CFH: variants seen among roughly 807,000 people sequenced by gnomAD.
CFH encodes the protein complement factor H, also known as H factor 1 (complement).
CFH carries 53 observed loss-of-function variants against 147.3 expected under a neutral mutation model. That is an observed-to-expected ratio of 0.36 (90% confidence interval 0.29 to 0.45). The LOEUF is 0.45. CFH is among the 20% of genes least tolerant of loss of function. CFH has a pLI of 1.00. For synonymous variants in CFH, 536 were observed against 489.4 expected (o/e 1.10, Z -1.26); for missense variants, 1,380 against 1,498.0 (o/e 0.92, Z 1.30).
chr1:196,737,345 G>A (rs1191064594), intron 16 of CFH, 130 bp from the exon 17 acceptor site: 2 of 711,698 alleles, frequency 2.8e-6, no homozygotes, highest in Non-Finnish European at 4.7e-6. Context: ...TTTCTAATAT[G>A]TTTTTGTTTT....
intron 9 of CFH, among the ~76,000 whole-genome samples, chr1:196,698,847 T>C (rs1428981873): frequency 6.6e-6 from 1 of 152,076 alleles, no homozygotes; most frequent in Non-Finnish European, 1.5e-5. Flanking sequence ...GCAAAGCAAA[T>C]CCAGCAGCAT....
intron 3 of CFH, 55 bp downstream of exon 3, chr1:196,674,017 A>G: frequency 8.6e-7 from 1 of 1,159,342 alleles, no homozygotes; most frequent in South Asian, 1.3e-5. Context: ...TAGGAACTCT[A>G]CTACTTTATA....
rs553787409 is a variant in CFH, at chr1:196,666,660, A to T, written c.59-6318A>T. On this transcript the variant is annotated intron_variant, in intron 1 of 21. Coordinates refer to ENST00000367429, the MANE Select transcript of CFH (RefSeq NM_000186.4). ...AAAAATACAAGAAAAAAAAACCCAAAAAATAGCCGGGCATGGTGGCGGGCA... is the reference window on the plus strand; with the variant it reads ...AAAAATACAAGAAAAAAAAACCCAATAAATAGCCGGGCATGGTGGCGGGCA... Among the ~76,000 whole-genome samples the T allele has an allele frequency of 2.0e-5, 3 of 151,910 alleles. No homozygotes were observed. In the East Asian group the frequency reaches 5.8e-4, roughly 29 times the overall value.
At chr1:196,671,611 C>T (rs1667281821) in intron 1 of CFH, among the ~76,000 whole-genome samples, 1 of 150,344 alleles carries the variant, frequency 6.7e-6, no homozygotes, top group South Asian at 2.1e-4. Flanking sequence ...CACACACACA[C>T]ACACACACAC....
At chr1:196,699,636 T>A (rs1178933027) in intron 9 of CFH, among the ~76,000 whole-genome samples, 1 of 152,204 alleles carries the variant, frequency 6.6e-6, no homozygotes, top group Non-Finnish European at 1.5e-5. Flanking sequence ...GTTAACATTT[T>A]ACACTTAGTT....
rs116665824 is a variant in CFH, at chr1:196,683,239, T to C, written c.791-1825T>C. On this transcript the variant is annotated intron_variant, in intron 6 of 21. Coordinates refer to ENST00000367429, the MANE Select transcript of CFH (RefSeq NM_000186.4). ...AGGTAATGGAGAACACCAAAAAGTA[T>C]GTAATCAACAGAGTCAAATATTACA... Among the ~76,000 whole-genome samples, 879 of 151,802 alleles carry C rather than the reference T, an allele frequency of 5.8e-3. 10 individuals are homozygous for C. Among genetic ancestry groups the C allele is most frequent in the African/African-American group, 0.02 (830 of 41,508 alleles).
intron 7 of CFH, among the ~76,000 whole-genome samples, chr1:196,687,357 C>A (rs1197771765): frequency 6.6e-6 from 1 of 151,886 alleles, no homozygotes; most frequent in African/African-American, 2.4e-5. Flanking sequence ...TTCAAGGAAT[C>A]AATTTGTAAA....
At chr1:196,687,185 T>A (rs547257501) in intron 7 of CFH, among the ~76,000 whole-genome samples, 18 of 152,126 alleles carry the variant, frequency 1.2e-4, no homozygotes, top group Non-Finnish European at 2.5e-4. Flanking sequence ...TGAATATTTT[T>A]ATCAATTTTA....
Position 196,690,222 on chromosome 1 carries a change from C to G in CFH, c.1319C>G (p.Pro440Arg). The change falls in exon 9 of 22, where the codon CCC becomes CGC. Residue 440 changes from proline (P) to arginine (R), a missense_variant. Physicochemically the swap from Pro to Arg is moderately radical, Grantham distance 103 (BLOSUM62 -2). Transcript: ENST00000367429. ...ATGGAGAATGGCTGGTCTCCTACTC[C>G]CAGATGCATCCGTGTCAGTAAGTAC... is the stretch of plus-strand genomic sequence containing the variant. ...TCMENGWSPT[P>R]RCIRVKTCSK... 1 of 1,613,284 alleles carries G rather than the reference C, an allele frequency of 6.2e-7. No homozygotes were observed. Among genetic ancestry groups the G allele is most frequent in the Non-Finnish European group, 8.5e-7 (1 of 1,179,560 alleles).
chr1:196,690,521 C>T (rs779048234), intron 9 of CFH: 51 of 454,060 alleles, frequency 1.1e-4, no homozygotes, highest in Non-Finnish European at 1.9e-4. Flanking sequence ...CGTATTGAAG[C>T]GGCATCATTG....
At chr1:196,689,645 G>A (rs1667957004) in intron 8 of CFH, 31 bp downstream of exon 8, 3 of 1,606,582 alleles carry the variant, frequency 1.9e-6, no homozygotes, top group Non-Finnish European at 2.6e-6. Flanking sequence ...CTATATATAT[G>A]TATAAAACTT....
At position 196,745,951 on chromosome 1, in the gene CFH, C is replaced by T. The variant is rs1354315554; in HGVS notation, c.3445C>T (p.Arg1149Ter). 1.2e-6 allele frequency: 2 copies of T among 1,613,872 alleles called. No homozygotes were observed. Among genetic ancestry groups the T allele is most frequent in the African/African-American group, 1.3e-5 (1 of 74,870 alleles). Reference sequence around the variant, plus strand: ...CTTGTATCAACTTGAGGGTAACAAGCGAATAACATGTAGAAATGGACAATG... The same window carrying T: ...CTTGTATCAACTTGAGGGTAACAAGTGAATAACATGTAGAAATGGACAATG... ...QNLYQLEGNK[R>*]ITCRNGQWSE... Residue 1149 changes from arginine to a stop codon, truncating the protein, a stop_gained, in exon 21 of 22, where the codon CGA becomes TGA. Coordinates refer to ENST00000367429, the MANE Select transcript of CFH (RefSeq NM_000186.4). LOFTEE classifies it low-confidence loss of function (END_TRUNC).
chr1:196,689,456 G>C lies in CFH; in HGVS notation c.1001G>C (p.Gly334Ala). The C allele has an allele frequency of 3.7e-6, 6 of 1,613,212 alleles. No homozygotes were observed. The highest frequency in any genetic ancestry group is 1.3e-5 in the African/African-American group (1 of 74,934). The change falls in exon 8 of 22, where the codon GGT (glycine) becomes GCT (alanine). Residue 334 changes from glycine (G) to alanine (A), a missense_variant. Coordinates refer to ENST00000367429, the MANE Select transcript of CFH (RefSeq NM_000186.4). ...PCDYPDIKHG[G>A]LYHENMRRPY... ...GATTATCCAGACATTAAACATGGAG[G>C]TCTATATCATGAGAATATGCGTAGA...
intron 9 of CFH, chr1:196,692,446 G>T: frequency 1.6e-6 from 1 of 615,416 alleles, no homozygotes. Flanking sequence ...CTCAATCAAC[G>T]TTTATGCCTC....
chr1:196,745,058 C>T (rs558424141), intron 20 of CFH, among the ~76,000 whole-genome samples: 172 of 152,194 alleles, frequency 1.1e-3, no homozygotes, highest in African/African-American at 3.9e-3. Context: ...TTGATCCCCT[C>T]GAGGAAAAGC....
At chr1:196,688,058 A>T (rs568614720) in intron 7 of CFH, among the ~76,000 whole-genome samples, 1 of 152,002 alleles carries the variant, frequency 6.6e-6, no homozygotes, top group East Asian at 1.9e-4. Flanking sequence ...TGGAGATGTA[A>T]AAGAATATTT....
intron 7 of CFH, among the ~76,000 whole-genome samples, chr1:196,688,994 G>A (rs1195331041): frequency 6.6e-6 from 1 of 151,116 alleles, no homozygotes; most frequent in Non-Finnish European, 1.5e-5. Context: ...AGAAGAAAAT[G>A]CAGGGCTCTT....
intron 1 of CFH, among the ~76,000 whole-genome samples, chr1:196,667,633 TCAGA>T (rs1035981445): frequency 6.6e-6 from 1 of 152,158 alleles, no homozygotes; most frequent in African/African-American, 2.4e-5. Context: ...TTTTATCCAG[TCAGA>T]CAATCTTTGT....
rs1225346828 is a variant in CFH, at chr1:196,657,129, ATTT to A, written c.58+4959_58+4961del. Among the ~76,000 whole-genome samples, 4 of 151,402 alleles carry A rather than the reference ATTT, an allele frequency of 2.6e-5. No homozygotes were observed. In the South Asian group the frequency reaches 6.3e-4, roughly 24 times the overall value. On this transcript the variant is annotated intron_variant, in intron 1 of 21. Transcript: ENST00000367429. ...GCCTCAGCCTCCCACACCTAGCTAA[ATTT>A]TTTTCTTTTCTTTTTTCTTTTTCTT...
Sources: allele counts gnomAD v4.1 joint callset (sites outside exome capture counted in the v4.1 genomes callset), GRCh38; gene constraint gnomAD v4.1.1; transcripts MANE v1.5; gene names NCBI Gene and HGNC (gene_info 2026-07-23, HGNC 2026-07-21).